The following EPM2A variants were observed in gnomAD, a reference collection of about 807,000 sequenced individuals.
EPM2A encodes laforin.
A neutral mutation model predicts 26.5 loss-of-function variants in EPM2A; 21 were observed. That is an observed-to-expected ratio of 0.79 (90% CI 0.56 to 1.14). EPM2A has a LOEUF of 1.14. Among genes scored for constraint, EPM2A ranks in the 50% most tolerant of loss-of-function variants. The probability of loss-of-function intolerance (pLI) is 0.00; values close to 1 mark genes in which losing one functional copy is unlikely to be tolerated. For synonymous variants in EPM2A, 217 were observed against 177.6 expected (o/e 1.22, Z -1.76); for missense variants, 458 against 440.8 (o/e 1.04, Z -0.35).
intron 2 of EPM2A, among the ~76,000 whole-genome samples, chr6:145,643,099 T>C (rs1299224730): frequency 6.6e-6 from 1 of 152,200 alleles, no homozygotes; most frequent in Admixed American, 6.5e-5. Context: ...AGATGTACTT[T>C]AGCAGTAGAA....
At chr6:145,680,788 T>C (rs4343935) in intron 2 of EPM2A, among the ~76,000 whole-genome samples, 1,648 of 152,288 alleles carry the variant, frequency 0.011, 11 homozygotes, top group Admixed American at 0.017. Flanking sequence ...ATCCAGTCTA[T>C]CATTGTTGGA....
chr6:145,691,168 A>G (rs1341894034), intron 1 of EPM2A, among the ~76,000 whole-genome samples: 1 of 152,196 alleles, frequency 6.6e-6, no homozygotes, highest in Non-Finnish European at 1.5e-5. Context: ...AGCAAAGTCC[A>G]AACAACATAA....
At chr6:145,713,631 G>T (rs1775459583) in intron 1 of EPM2A, among the ~76,000 whole-genome samples, 2 of 152,130 alleles carry the variant, frequency 1.3e-5, no homozygotes, top group Admixed American at 1.3e-4. Context: ...GCTGGTGAGT[G>T]GAAAATAGTG....
chr6:145,625,953 A>T lies in EPM2A; in HGVS notation c.*1463T>A. 8.1e-7 allele frequency: 1 copy of T among 1,234,448 alleles called. No individual in the cohort carries two copies. The highest frequency in any genetic ancestry group is 1.1e-6 in the Non-Finnish European group (1 of 926,866). The allele number at this position is 1,234,448 out of a possible 1,614,324, so 76.5% of individuals were successfully genotyped here. A position where few individuals can be genotyped will look rare whatever the true frequency, so the allele number is the denominator to read the frequency against. On this transcript the variant is annotated 3_prime_UTR_variant, in exon 4 of 4. Transcript: ENST00000367519. ...GGCTTTGAATCAAACCCAGCTTTGT[A>T]TCTCACTTCATCTATTTATTCATCA...
In EPM2A at chr6:145,691,059, A is replaced by C. The variant is rs1016737565; in HGVS notation, c.302-4763T>G. Among the ~76,000 whole-genome samples, 6 of 152,182 alleles carry C rather than the reference A, an allele frequency of 3.9e-5. No homozygotes were observed. The East Asian group carries it at 9.6e-4, about 24-fold the overall frequency. ...TTTATGTCATTGGAGTCTTGGAAGA[A>C]GAGGGAAAAGATAGTAGGGCTTAAA... On this transcript the variant is annotated intron_variant, in intron 1 of 3. Transcript: ENST00000367519.
chr6:145,520,099 A>T (rs576987300), intron 2 of EPM2A, among the ~76,000 whole-genome samples: 1 of 152,312 alleles, frequency 6.6e-6, no homozygotes, highest in Admixed American at 6.5e-5. Context: ...TTGACTCTTT[A>T]AAGTTCTTTC....
chr6:145,510,709 AT>A (rs757178707), intron 2 of EPM2A, among the ~76,000 whole-genome samples: 8 of 152,192 alleles, frequency 5.3e-5, no homozygotes, highest in Non-Finnish European at 1.0e-4. Context: ...AAACAAAAAA[AT>A]AAAACCAAAA....
intron 3 of EPM2A, chr6:145,631,419 G>A (rs956690372): frequency 6.6e-6 from 1 of 152,032 alleles, no homozygotes; most frequent in African/African-American, 2.4e-5. Context: ...TGACAACTAA[G>A]TTGAAAAACT....
intron 1 of EPM2A, among the ~76,000 whole-genome samples, chr6:145,723,061 T>C (rs1776022866): frequency 6.6e-6 from 1 of 152,220 alleles, no homozygotes; most frequent in African/African-American, 2.4e-5. Flanking sequence ...ACATAAAATT[T>C]CATGTTGATT....
At chr6:145,389,538 C>T (rs190637681) in intron 4 of EPM2A, among the ~76,000 whole-genome samples, 1 of 152,142 alleles carries the variant, frequency 6.6e-6, no homozygotes, top group Non-Finnish European at 1.5e-5. Context: ...TTAATGTTAA[C>T]TCTCTTTTGC....
rs567349369 is a variant in EPM2A at position 145,470,387 on chromosome 6, CT to C, written c.555+32134del. Reference sequence around the variant, plus strand: ...TGAGATTTATACAAATGAATTCATGCTGTATGTAGTCCAAAATATTTTGCCA... The same window carrying C: ...TGAGATTTATACAAATGAATTCATGCGTATGTAGTCCAAAATATTTTGCCA... On this transcript the variant is annotated intron_variant, in intron 4 of 4. Coordinates refer to the EPM2A transcript ENST00000638717. Among the ~76,000 whole-genome samples, 20 of 152,112 alleles carry C rather than the reference CT, an allele frequency of 1.3e-4. No homozygotes were observed. The East Asian group carries it at 3.9e-3, about 29-fold the overall frequency.
In EPM2A at chr6:145,735,351, C is replaced by A. The variant is rs753397854; in HGVS notation, c.148G>T (p.Gly50Trp). Reference sequence around the variant, plus strand: ...CCCGGCTCCTGCAGGGCCAGGGCCCCGTCGCCCGCCGCGGTGCCGGCCGGC... The same window carrying A: ...CCCGGCTCCTGCAGGGCCAGGGCCCAGTCGCCCGCCGCGGTGCCGGCCGGC... ...LRPAGTAAGD[G>W]ALALQEPGLW... is the part of the protein sequence containing the mutation. The change falls in exon 1 of 4, where the codon GGG becomes TGG. Residue 50 changes from glycine (G) to tryptophan (W), a missense_variant. By Grantham distance (184) the Gly-to-Trp change is radical. Coordinates refer to ENST00000367519, the MANE Select transcript of EPM2A (RefSeq NM_005670.4). The A allele has an allele frequency of 2.5e-6, 3 of 1,204,132 alleles. No homozygotes were observed. Among genetic ancestry groups the A allele is most frequent in the African/African-American group, 3.3e-5 (2 of 60,924 alleles). The allele number at this position is 1,204,132 out of a possible 1,614,324, so 74.6% of individuals were successfully genotyped here. A position where few individuals can be genotyped will look rare whatever the true frequency, so the allele number is the denominator to read the frequency against.
intron 4 of EPM2A, among the ~76,000 whole-genome samples, chr6:145,410,738 G>T (rs1035529822): frequency 2.0e-5 from 3 of 152,198 alleles, no homozygotes; most frequent in African/African-American, 7.2e-5. Context: ...ATGAAAGCAG[G>T]TGGTAAGACA....
At chr6:145,671,861 C>T (rs1430258023) in intron 2 of EPM2A, among the ~76,000 whole-genome samples, 1 of 152,128 alleles carries the variant, frequency 6.6e-6, no homozygotes, top group African/African-American at 2.4e-5. Flanking sequence ...ATTTTCTAAA[C>T]TGTAACATTT....
chr6:145,466,903 A>T (rs1409481206), intron 4 of EPM2A, among the ~76,000 whole-genome samples: 1 of 152,158 alleles, frequency 6.6e-6, no homozygotes, highest in Non-Finnish European at 1.5e-5. Flanking sequence ...ACAAAAAACC[A>T]AACACCACAC....
chr6:145,595,517 G>A (rs1414945968), intron 2 of EPM2A, among the ~76,000 whole-genome samples: 1 of 151,474 alleles, frequency 6.6e-6, no homozygotes, highest in Non-Finnish European at 1.5e-5. Flanking sequence ...AGTTTAGACA[G>A]AATTAACATC....
At chr6:145,683,871 C>T (rs1289758350) in intron 2 of EPM2A, among the ~76,000 whole-genome samples, 1 of 152,018 alleles carries the variant, frequency 6.6e-6, no homozygotes, top group African/African-American at 2.4e-5. Context: ...CAGCCATATA[C>T]AACAATCAAC....
chr6:145,492,085 A>C, intron 4 of EPM2A: 2 of 248,552 alleles, frequency 8.0e-6, no homozygotes, highest in Non-Finnish European at 1.6e-5. Context: ...CCTCTCTTCA[A>C]CCTCCATGGC....
intron 4 of EPM2A, among the ~76,000 whole-genome samples, chr6:145,438,343 C>A (rs901699077): frequency 6.6e-6 from 1 of 152,056 alleles, no homozygotes; most frequent in African/African-American, 2.4e-5. Context: ...GCTTATCTCT[C>A]CCCTGAGTTT....
Sources: gnomAD v4.1 joint callset for allele counts (sites outside exome capture counted in the v4.1 genomes callset) on GRCh38, gnomAD v4.1.1 for gene constraint, MANE v1.5 for transcripts, NCBI Gene and HGNC (gene_info 2026-07-23, HGNC 2026-07-21) for gene names.